FLYWCH1: variants seen among roughly 807,000 people sequenced by gnomAD.
FLYWCH1 encodes FLYWCH-type zinc finger 1, also known as FLYWCH-type zinc finger-containing protein 1.
In FLYWCH1, 75 loss-of-function variants were observed where a neutral mutation model predicts 66.4. The ratio of observed to expected loss-of-function variants is 1.13; its 90% CI spans 0.94 to 1.37. The LOEUF is 1.37. FLYWCH1 is among the 40% of genes most tolerant of loss of function. The probability of loss-of-function intolerance (pLI) is 0.00; values close to 1 mark genes in which losing one functional copy is unlikely to be tolerated. For missense variants in FLYWCH1, 1,334 were observed against 1,001.8 expected, an observed-to-expected ratio of 1.33 and a Z score of -4.48; for synonymous variants, 595 against 429.9, an observed-to-expected ratio of 1.38 and a Z score of -4.75.
At chr16:2,913,802 T>C (rs1780571820) in intron 1 of FLYWCH1, among the ~76,000 whole-genome samples, 2 of 152,176 alleles carry the variant, frequency 1.3e-5, no homozygotes, top group South Asian at 4.1e-4. Flanking sequence ...CCAACGCTCA[T>C]GGTTCAGTTG....
At chr16:2,919,979 G>C (rs2070312937) in intron 2 of FLYWCH1, among the ~76,000 whole-genome samples, 1 of 152,104 alleles carries the variant, frequency 6.6e-6, no homozygotes, top group Admixed American at 6.6e-5. Flanking sequence ...GCTCTCGAGG[G>C]GGATACAGTA....
intron 2 of FLYWCH1, among the ~76,000 whole-genome samples, chr16:2,917,451 A>T (rs1324526223): frequency 1.3e-5 from 2 of 151,244 alleles, no homozygotes; most frequent in Non-Finnish European, 2.9e-5. Context: ...CTGGTTTCGA[A>T]CTCCTGACCT....
At chr16:2,944,799 G>C (rs1259498813) in intron 9 of FLYWCH1, among the ~76,000 whole-genome samples, 2 of 150,660 alleles carry the variant, frequency 1.3e-5, no homozygotes, top group Non-Finnish European at 2.9e-5. Flanking sequence ...TCCAGCCTGG[G>C]CAACAGAGTG....
chr16:2,922,921 T>C (rs909973056), intron 2 of FLYWCH1: 6 of 524,082 alleles, frequency 1.1e-5, no homozygotes, highest in African/African-American at 5.8e-5. Context: ...CAAGCTCGTT[T>C]CTCCTGGGGG....
rs1272592847 is a variant in FLYWCH1 at position 2,933,965 on chromosome 16, A to C, written c.1499A>C (p.Gln500Pro). Residue 500 changes from glutamine (Q) to proline (P), a missense_variant, in exon 6 of 10, where the codon CAG becomes CCG. By Grantham distance (76) the Gln-to-Pro change is moderately conservative. Coordinates refer to ENST00000253928, the MANE Select transcript of FLYWCH1 (RefSeq NM_001308068.2). ...RQREKRPNTA[Q>P]RGSPGGPEFL... ...CGGGAGAAACGCCCCAACACGGCGC[A>C]GCGGGGGAGCCCAGGTACCTGGGGG... is the stretch of plus-strand genomic sequence containing the variant. 6.5e-7 allele frequency: 1 copy of C among 1,541,088 alleles called. No homozygotes were observed. The highest frequency in any genetic ancestry group is 1.4e-5 in the African/African-American group (1 of 73,116).
intron 1 of FLYWCH1, 102 bp downstream of exon 1, chr16:2,912,256 G>A (rs1271920744): frequency 6.6e-6 from 1 of 152,348 alleles, no homozygotes; most frequent in Non-Finnish European, 1.5e-5. Context: ...GGGTGCTGGG[G>A]AGGGGTCTGC....
At chr16:2,930,060 C>A (rs756055415) in intron 3 of FLYWCH1, 50 bp downstream of exon 3, 4 of 1,505,720 alleles carry the variant, frequency 2.7e-6, no homozygotes, top group Admixed American at 1.8e-5. Flanking sequence ...GGTTCCAGCG[C>A]TCCCAGCAGG....
intron 2 of FLYWCH1, among the ~76,000 whole-genome samples, chr16:2,917,230 ATT>A (rs112053820): frequency 0.059 from 7,788 of 131,648 alleles, 673 homozygotes; most frequent in African/African-American, 0.19. Context: ...CTTGTTAATA[ATT>A]TTTTTTTTTT....
intron 9 of FLYWCH1, among the ~76,000 whole-genome samples, chr16:2,940,738 T>C (rs968178237): frequency 6.6e-6 from 1 of 152,230 alleles, no homozygotes; most frequent in African/African-American, 2.4e-5. Context: ...TGCCCAGCCT[T>C]GTTATTGGTT....
chr16:2,944,724 G>A (rs1252807287), intron 9 of FLYWCH1, among the ~76,000 whole-genome samples: 1 of 151,974 alleles, frequency 6.6e-6, no homozygotes, highest in East Asian at 1.9e-4. Flanking sequence ...TTGGGAGGCT[G>A]AGGCGTGAGA....
intron 9 of FLYWCH1, among the ~76,000 whole-genome samples, chr16:2,946,280 C>T (rs1462313440): frequency 6.6e-6 from 1 of 151,086 alleles, no homozygotes; most frequent in Non-Finnish European, 1.5e-5. Context: ...CCTGCAAGCT[C>T]CATTCATAAT....
In FLYWCH1 at chr16:2,933,456, C is replaced by T. The variant is rs377550250; in HGVS notation, c.1123C>T (p.Arg375Cys). The change falls in exon 5 of 10, where the codon CGC (arginine) becomes TGC (cysteine). Residue 375 changes from arginine (R) to cysteine (C), a missense_variant. Physicochemically the swap from Arg to Cys is radical, Grantham distance 180. Coordinates refer to ENST00000253928, the MANE Select transcript of FLYWCH1 (RefSeq NM_001308068.2). Reference protein sequence around the residue: ...LLRGVDSLLYRRGPGPLTLTR... With the variant: ...LLRGVDSLLYCRGPGPLTLTR... ...CCGAGGCGTGGATAGTTTGCTCTAC[C>T]GCAGGGGTCCGGGTCCCCTGACTCT... is the stretch of plus-strand genomic sequence containing the variant. 40 of 1,601,082 alleles carry T rather than the reference C, an allele frequency of 2.5e-5. No homozygotes were observed. The highest frequency in any genetic ancestry group is 1.7e-4 in the Middle Eastern group (1 of 6,018).
At chr16:2,922,789 C>T in intron 2 of FLYWCH1, 1 of 522,362 alleles carries the variant, frequency 1.9e-6, no homozygotes, top group Non-Finnish European at 3.8e-6. Context: ...CAGAGTTCTT[C>T]ACAGCCTGTT....
intron 6 of FLYWCH1, chr16:2,936,455 C>T (rs1195830874): frequency 6.7e-6 from 3 of 447,290 alleles, no homozygotes; most frequent in Non-Finnish European, 1.3e-5. Flanking sequence ...CCCTCCCGCC[C>T]CCCGCTGGCC....
intron 2 of FLYWCH1, among the ~76,000 whole-genome samples, chr16:2,914,863 C>G (rs901303754): frequency 6.9e-6 from 1 of 145,706 alleles, no homozygotes; most frequent in African/African-American, 2.6e-5. Flanking sequence ...GAGACAGGAT[C>G]GAGCCACTGC....
Position 2,948,775 on chromosome 16 carries a change from A to AC in FLYWCH1, c.*49dup, listed in dbSNP as rs2151038369. 1 of 1,570,282 alleles carries AC rather than the reference A, an allele frequency of 6.4e-7. No homozygotes were observed. The highest frequency in any genetic ancestry group is 2.2e-5 in the East Asian group (1 of 44,720). On this transcript the variant is annotated 3_prime_UTR_variant, in exon 10 of 10. Transcript: ENST00000253928. ...CGAGCCGCCCACCCAAGGTGGCTTC[A>AC]CATCCACACAGGCACTTCCCATCCA...
intron 2 of FLYWCH1, chr16:2,922,750 G>A (rs2150914269): frequency 5.9e-6 from 3 of 511,708 alleles, no homozygotes; most frequent in South Asian, 1.4e-5. Flanking sequence ...GGCCCAATCA[G>A]GGTATTGACC....
intron 2 of FLYWCH1, among the ~76,000 whole-genome samples, chr16:2,925,668 C>T (rs905876039): frequency 1.3e-5 from 2 of 152,066 alleles, no homozygotes; most frequent in African/African-American, 4.8e-5. Flanking sequence ...TGGGGTTGCC[C>T]CTGCACCTCG....
chr16:2,943,501 TAGAGA>T (rs1467165066), intron 9 of FLYWCH1: 4 of 148,536 alleles, frequency 2.7e-5, no homozygotes, highest in Admixed American at 2.1e-4. Flanking sequence ...ACCAGATCAG[TAGAGA>T]AAAGGACAAA....
Sources: gnomAD v4.1 joint callset for allele counts (sites outside exome capture counted in the v4.1 genomes callset) on GRCh38, gnomAD v4.1.1 for gene constraint, MANE v1.5 for transcripts, NCBI Gene and HGNC (gene_info 2026-07-23, HGNC 2026-07-21) for gene names.